The following COL23A1 variants were observed in gnomAD, a reference collection of about 807,000 sequenced individuals.
COL23A1 encodes the protein collagen alpha-1(XXIII) chain.
In COL23A1, 97 loss-of-function variants were observed where a neutral mutation model predicts 99.3. The observed-to-expected ratio is 0.98, with a 90% CI of 0.83 to 1.16. The LOEUF (loss-of-function observed/expected upper bound fraction) is 1.16, where lower values mean the gene tolerates loss of function less well. Among genes scored for constraint, COL23A1 ranks in the 50% most tolerant of loss-of-function variants. The pLI is 0.00. For synonymous variants in COL23A1, 320 were observed against 308.2 expected, an observed-to-expected ratio of 1.04 and a Z score of -0.40; for missense variants, 762 against 757.4, an observed-to-expected ratio of 1.01 and a Z score of -0.07.
chr5:178,394,186 G>T (rs917290393), intron 2 of COL23A1, among the ~76,000 whole-genome samples: 2 of 152,220 alleles, frequency 1.3e-5, no homozygotes, highest in African/African-American at 2.4e-5. Context: ...AGAGCATACA[G>T]TCACTATCTG....
At chr5:178,572,474 TATATC>T (rs1354599990) in intron 1 of COL23A1, among the ~76,000 whole-genome samples, 1 of 152,016 alleles carries the variant, frequency 6.6e-6, no homozygotes, top group Non-Finnish European at 1.5e-5. Context: ...GACACCAAGA[TATATC>T]ATAATCAGAT....
intron 3 of COL23A1, among the ~76,000 whole-genome samples, chr5:178,296,092 C>T (rs545455113): frequency 1.3e-5 from 2 of 152,348 alleles, no homozygotes; most frequent in East Asian, 3.9e-4. Flanking sequence ...TTGACAGTGG[C>T]TGGAGAAAGC....
chr5:178,521,768 A>G (rs941092844), intron 2 of COL23A1, among the ~76,000 whole-genome samples: 5 of 152,222 alleles, frequency 3.3e-5, no homozygotes, highest in Admixed American at 2.0e-4. Context: ...TACTTATTTT[A>G]TGATTCAATG....
chr5:178,249,981 ACACG>A, intron 18 of COL23A1, 76 bp downstream of exon 18: 1 of 1,454,590 alleles, frequency 6.9e-7, no homozygotes, highest in South Asian at 1.1e-5. Flanking sequence ...GCACACATGC[ACACG>A]CACACACACA....
chr5:178,573,222 A>C (rs1351969941), intron 1 of COL23A1, among the ~76,000 whole-genome samples: 5 of 152,262 alleles, frequency 3.3e-5, no homozygotes, highest in Non-Finnish European at 7.3e-5. Flanking sequence ...CTTCAAAAAA[A>C]AAGGCAAACA....
chr5:178,345,012 G>T, intron 2 of COL23A1: 1 of 576,020 alleles, frequency 1.7e-6, no homozygotes, highest in Non-Finnish European at 3.4e-6. Flanking sequence ...CCCTCATGAA[G>T]CTGAGGATAC....
At chr5:178,540,524 C>T (rs1174744964) in intron 2 of COL23A1, among the ~76,000 whole-genome samples, 1 of 152,186 alleles carries the variant, frequency 6.6e-6, no homozygotes, top group Non-Finnish European at 1.5e-5. Flanking sequence ...AAAGAAGACT[C>T]AAATACATGG....
rs79624753 is a variant in COL23A1, at chr5:178,291,749, G to C, written c.407-1380C>G. On this transcript the variant is annotated intron_variant, in intron 3 of 28. Transcript: ENST00000390654. ...ATGCAGGTGCTGGTGGGTGAGGGGG[G>C]AGTGGAGAGAGTCAGAAGATGTTGG... 5.2e-3 allele frequency among the ~76,000 whole-genome samples: 797 copies of C among 152,242 alleles called. 4 individuals carry two copies. The highest frequency in any genetic ancestry group is 0.018 in the African/African-American group (746 of 41,554).
rs1374874473 is a variant in COL23A1, at chr5:178,437,328, C to T, written c.361+123354G>A. On this transcript the variant is annotated intron_variant, in intron 2 of 28. Transcript: ENST00000390654. ...CTCGCTGTGACCCTAAAGTAATTTC[C>T]CCAACCTCTGGCTCTTTAGGACCTA... is the stretch of plus-strand genomic sequence containing the variant. 2.0e-5 allele frequency among the ~76,000 whole-genome samples: 3 copies of T among 152,282 alleles called. No homozygotes were observed. In the East Asian group the frequency reaches 5.8e-4, roughly 29 times the overall value.
At chr5:178,312,182 A>G (rs1413377444) in intron 2 of COL23A1, among the ~76,000 whole-genome samples, 1 of 152,166 alleles carries the variant, frequency 6.6e-6, no homozygotes, top group African/African-American at 2.4e-5. Context: ...CCCCGTGGGA[A>G]GCCGGGAGCT....
At chr5:178,573,848 C>A in intron 1 of COL23A1, among the ~76,000 whole-genome samples, 1 of 140,688 alleles carries the variant, frequency 7.1e-6, no homozygotes, top group East Asian at 2.1e-4. Context: ...ACATACCATA[C>A]CATAGGGTTC....
In COL23A1 at chr5:178,384,618, G is replaced by A. The variant is rs140675681; in HGVS notation, c.362-77699C>T. 6.6e-6 allele frequency among the ~76,000 whole-genome samples: 1 copy of A among 152,304 alleles called. No individual in the cohort carries two copies. The highest frequency in any genetic ancestry group is 2.4e-5 in the African/African-American group (1 of 41,566). On this transcript the variant is annotated intron_variant, in intron 2 of 28. Transcript: ENST00000390654. The surrounding 1 kb of genome is among the most constrained non-coding windows in gnomAD (Gnocchi z 5.5). ...TGCCTCAGAGATCACGGTTTGACAT[G>A]GGAAACCAAGGCTCAGAGGGGGCAG...
chr5:178,336,350 T>A (rs963056756), intron 2 of COL23A1, among the ~76,000 whole-genome samples: 5 of 152,184 alleles, frequency 3.3e-5, no homozygotes, highest in African/African-American at 1.2e-4. Flanking sequence ...GGCCATCACC[T>A]GATGAATGGG....
chr5:178,547,543 CCA>C lies in COL23A1; in HGVS notation c.361+13137_361+13138del, dbSNP rs566028111. ...CACACACTCACACCCACAAACACAC[CCA>C]CACACCCCCATACACACCCCCACAC... On this transcript the variant is annotated intron_variant, in intron 2 of 28. Coordinates refer to ENST00000390654, the MANE Select transcript of COL23A1 (RefSeq NM_173465.4). 1.7e-4 allele frequency among the ~76,000 whole-genome samples: 18 copies of C among 106,196 alleles called. 1 individual carries two copies. The highest frequency in any genetic ancestry group is 1.0e-3 in the Admixed American group (10 of 9,846). 69.7% of individuals were successfully genotyped at this position (106,196 alleles called of 152,430 possible).
At chr5:178,536,679 G>A (rs1244886338) in intron 2 of COL23A1, among the ~76,000 whole-genome samples, 1 of 152,120 alleles carries the variant, frequency 6.6e-6, no homozygotes. Context: ...GGCCCATTCA[G>A]GGTGCGATGA....
At chr5:178,360,086 C>G (rs1762096215) in intron 2 of COL23A1, among the ~76,000 whole-genome samples, 1 of 152,202 alleles carries the variant, frequency 6.6e-6, no homozygotes, top group Non-Finnish European at 1.5e-5. Context: ...GTCCCATAAG[C>G]TTCTCAAATG....
chr5:178,360,211 C>T (rs1762101900), intron 2 of COL23A1, among the ~76,000 whole-genome samples: 1 of 152,160 alleles, frequency 6.6e-6, no homozygotes, highest in South Asian at 2.1e-4. Context: ...TCGGTTGGCC[C>T]CAAATTCTTT....
intron 2 of COL23A1, among the ~76,000 whole-genome samples, chr5:178,321,687 C>T (rs1468915892): frequency 2.0e-5 from 3 of 151,498 alleles, no homozygotes; most frequent in Non-Finnish European, 4.4e-5. Context: ...GATGGGGTTT[C>T]ACTGTGTTAG....
chr5:178,478,014 G>A (rs1353954349), intron 2 of COL23A1, among the ~76,000 whole-genome samples: 1 of 152,220 alleles, frequency 6.6e-6, no homozygotes, highest in South Asian at 2.1e-4. Flanking sequence ...AGGTCCCAGG[G>A]TGTGGGAGGA....
Sources: allele counts gnomAD v4.1 joint callset (sites outside exome capture counted in the v4.1 genomes callset), GRCh38; gene constraint gnomAD v4.1.1; non-coding constraint Gnocchi (gnomAD v3.1); transcripts MANE v1.5; gene names NCBI Gene and HGNC (gene_info 2026-07-23, HGNC 2026-07-21).